The following DEPDC5 variants were observed in gnomAD, a reference collection of about 807,000 sequenced individuals.
The protein encoded by DEPDC5 is GATOR1 complex protein DEPDC5.
Under a neutral mutation model 217.3 loss-of-function variants are expected in DEPDC5, and 73 were observed. The observed-to-expected ratio is 0.34, with a 90% CI of 0.28 to 0.41. The LOEUF (loss-of-function observed/expected upper bound fraction) is 0.41, where lower values mean the gene tolerates loss of function less well. Ranked by LOEUF, DEPDC5 falls within the 10% of genes least tolerant of loss-of-function variation. The pLI is 1.00. For missense variants in DEPDC5, 1,675 were observed against 2,070.1 expected, an observed-to-expected ratio of 0.81 and a Z score of 3.70; for synonymous variants, 733 against 756.7, an observed-to-expected ratio of 0.97 and a Z score of 0.51.
chr22:31,874,450 G>T (rs765031645), intron 36 of DEPDC5, 45 bp downstream of exon 36: 1 of 1,559,330 alleles, frequency 6.4e-7, no homozygotes, highest in Non-Finnish European at 8.7e-7. Flanking sequence ...CTTAGGTCCC[G>T]AAAAATCAGG....
intron 36 of DEPDC5, 146 bp from the exon 37 acceptor site, chr22:31,876,011 T>G: frequency 1.6e-6 from 1 of 622,202 alleles, no homozygotes; most frequent in South Asian, 2.3e-5. Flanking sequence ...ATATAATTTA[T>G]ATCAAGTACA....
At chr22:31,817,495 T>C in intron 21 of DEPDC5, 1 of 465,730 alleles carries the variant, frequency 2.1e-6, no homozygotes, top group Non-Finnish European at 4.2e-6. Context: ...GTTTCTTTTA[T>C]TTGTTTGTTT....
intron 21 of DEPDC5, among the ~76,000 whole-genome samples, chr22:31,817,709 A>G (rs151065527): frequency 0.012 from 1,722 of 149,338 alleles, 41 homozygotes; most frequent in African/African-American, 0.041. Context: ...CTGGTCTCGA[A>G]CTCCTGGGCT....
chr22:31,755,997 C>G (rs949929296), intron 2 of DEPDC5, among the ~76,000 whole-genome samples: 1 of 151,270 alleles, frequency 6.6e-6, no homozygotes, highest in Non-Finnish European at 1.5e-5. Context: ...CTCAGCCTCC[C>G]GAGTAGCTGG....
At chr22:31,888,540 C>T (rs924978659) in intron 38 of DEPDC5, among the ~76,000 whole-genome samples, 3 of 150,988 alleles carry the variant, frequency 2.0e-5, no homozygotes, top group Non-Finnish European at 2.9e-5. Flanking sequence ...TAGTGAACCA[C>T]CACACCCGGC....
At position 31,763,506 on chromosome 22, in the gene DEPDC5, C is replaced by T. The variant is rs897155202; in HGVS notation, c.194-1469C>T. ...AGACTGGAGTGCAGTGGTGCAGTCACGGCTCACTGCAGCCTCAACCTCCCT... is the reference window on the plus strand; with the variant it reads ...AGACTGGAGTGCAGTGGTGCAGTCATGGCTCACTGCAGCCTCAACCTCCCT... On this transcript the variant is annotated intron_variant, in intron 4 of 42. Transcript: ENST00000651528. Among the ~76,000 whole-genome samples, 53 of 150,996 alleles carry T rather than the reference C, an allele frequency of 3.5e-4. 1 individual carries two copies. The highest frequency in any genetic ancestry group is 1.2e-3 in the African/African-American group (48 of 41,060).
Position 31,872,530 on chromosome 22 carries a change from C to T in DEPDC5, c.3486-725C>T, listed in dbSNP as rs185987974. Among the ~76,000 whole-genome samples, 6 of 152,216 alleles carry T rather than the reference C, an allele frequency of 3.9e-5. No homozygotes were observed. In the East Asian group the frequency reaches 1.2e-3, roughly 30 times the overall value. Reference sequence around the variant, plus strand: ...TTAGTGATGATACTGGGATTCCATTCCCCATGCTCTTAGGGTGTTACCTAG... The same window carrying T: ...TTAGTGATGATACTGGGATTCCATTTCCCATGCTCTTAGGGTGTTACCTAG... On this transcript the variant is annotated intron_variant, in intron 34 of 42. Transcript: ENST00000651528.
At chr22:31,791,968 C>A in intron 10 of DEPDC5, 65 bp from the exon 11 acceptor site, 2 of 736,158 alleles carry the variant, frequency 2.7e-6, no homozygotes, top group Admixed American at 2.4e-5. Flanking sequence ...TATATGCATG[C>A]AGTCTGCTTC....
At chr22:31,856,256 T>C (rs1412106993) in intron 31 of DEPDC5, among the ~76,000 whole-genome samples, 1 of 140,978 alleles carries the variant, frequency 7.1e-6, no homozygotes, top group Non-Finnish European at 1.5e-5. Flanking sequence ...CACACACACT[T>C]CATTGCCTAT....
chr22:31,768,376 GA>G (rs2083013675), intron 6 of DEPDC5, among the ~76,000 whole-genome samples: 1 of 151,904 alleles, frequency 6.6e-6, no homozygotes, highest in African/African-American at 2.4e-5. Flanking sequence ...ATTATAGGTA[GA>G]ATTTCCATAC....
At chr22:31,848,597 G>A (rs1198447131) in intron 31 of DEPDC5, among the ~76,000 whole-genome samples, 1 of 152,060 alleles carries the variant, frequency 6.6e-6, no homozygotes, top group African/African-American at 2.4e-5. Context: ...CAGGAGGCCA[G>A]GCCCAGGAAA....
intron 27 of DEPDC5, among the ~76,000 whole-genome samples, chr22:31,841,155 G>T (rs761933082): frequency 3.9e-5 from 6 of 152,244 alleles, no homozygotes; most frequent in Non-Finnish European, 1.5e-5. Flanking sequence ...TGGTGCCCAA[G>T]ATCACACAAG....
intron 12 of DEPDC5, among the ~76,000 whole-genome samples, chr22:31,795,065 ATTTT>A (rs983604458): frequency 5.6e-5 from 6 of 107,360 alleles, no homozygotes; most frequent in Non-Finnish European, 8.9e-5. Flanking sequence ...ATTCCATGTG[ATTTT>A]TTTTTTTTTT....
chr22:31,814,804 C>A, intron 20 of DEPDC5, 188 bp from the exon 21 acceptor site: 2 of 609,490 alleles, frequency 3.3e-6, no homozygotes, highest in Admixed American at 2.9e-5. Flanking sequence ...TCATTTCCCC[C>A]CTCTCTTATA....
chr22:31,794,933 A>T (rs1476002290), intron 12 of DEPDC5, among the ~76,000 whole-genome samples: 4 of 152,178 alleles, frequency 2.6e-5, no homozygotes. Flanking sequence ...ATAGTTTAGT[A>T]GAGAGGAATT....
At position 31,823,706 on chromosome 22, in the gene DEPDC5, A is replaced by G. The variant is rs144134140; in HGVS notation, c.2104+916A>G. ...GCTTTTTGGAAATACTTTTATATCT[A>G]TTGTCTTATCACCCCAGTGGGTGAT... is the stretch of plus-strand genomic sequence containing the variant. On this transcript the variant is annotated intron_variant, in intron 24 of 42. Coordinates refer to ENST00000651528, the MANE Select transcript of DEPDC5 (RefSeq NM_001242896.3). 6.0e-4 allele frequency among the ~76,000 whole-genome samples: 91 copies of G among 152,118 alleles called. 1 individual carries two copies. The Middle Eastern group carries it at 0.027, about 45-fold the overall frequency.
intron 18 of DEPDC5, among the ~76,000 whole-genome samples, chr22:31,808,709 G>A (rs1422457783): frequency 6.6e-6 from 1 of 152,108 alleles, no homozygotes; most frequent in East Asian, 1.9e-4. Context: ...TGGGATTACA[G>A]GTGTGAGCCA....
At chr22:31,836,780 G>A in intron 25 of DEPDC5, 192 bp from the exon 26 acceptor site, 1 of 600,090 alleles carries the variant, frequency 1.7e-6, no homozygotes, top group Non-Finnish European at 3.0e-6. Flanking sequence ...CATGTGCACT[G>A]CATTGTCTAA....
In DEPDC5 at chr22:31,843,804, A is replaced by G; in HGVS notation, c.2793A>G (p.Glu931=). The change falls in exon 29 of 43, where the codon GAA becomes GAG. Residue 931 remains glutamate (E), a synonymous_variant. Transcript: ENST00000651528. ...LDQYICSAGS[E]DFSLIESLKF... ...AGTATATCTGTTCTGCCGGCTCTGA[A>G]GACTTCAGGTCAGAGAGTGGGCTTT... 3.7e-6 allele frequency: 6 copies of G among 1,602,188 alleles called. No individual in the cohort carries two copies. The highest frequency in any genetic ancestry group is 5.1e-6 in the Non-Finnish European group (6 of 1,170,110).
Sources: gnomAD v4.1 joint callset for allele counts (sites outside exome capture counted in the v4.1 genomes callset) on GRCh38, gnomAD v4.1.1 for gene constraint, MANE v1.5 for transcripts, NCBI Gene and HGNC (gene_info 2026-07-23, HGNC 2026-07-21) for gene names.